Variants in ANO4 observed in about 807,000 individuals in gnomAD.
ANO4 encodes anoctamin 4.
Under a neutral mutation model 141.9 loss-of-function variants are expected in ANO4, and 69 were observed. That is an observed-to-expected ratio of 0.49 (90% CI 0.40 to 0.59). ANO4 has a LOEUF of 0.59. Ranked by LOEUF, ANO4 falls within the 20% of genes least tolerant of loss-of-function variation. The pLI is 0.00. For synonymous variants in ANO4, 350 were observed against 394.3 expected, an observed-to-expected ratio of 0.89 and a Z score of 1.33; for missense variants, 894 against 1,162.2, an observed-to-expected ratio of 0.77 and a Z score of 3.36.
At chr12:100,937,711 A>G (rs907219741) in intron 3 of ANO4, among the ~76,000 whole-genome samples, 1 of 152,190 alleles carries the variant, frequency 6.6e-6, no homozygotes, top group Non-Finnish European at 1.5e-5. Context: ...TCTGGAGGTC[A>G]GAAGTCCCAA....
intron 3 of ANO4, among the ~76,000 whole-genome samples, chr12:100,931,015 A>C (rs533920663): frequency 1.3e-5 from 2 of 152,148 alleles, no homozygotes; most frequent in African/African-American, 4.8e-5. Flanking sequence ...CTAAGGAAGC[A>C]TTATGTCCTT....
chr12:100,814,700 T>A (rs754591228), intron 1 of ANO4, among the ~76,000 whole-genome samples: 2 of 152,100 alleles, frequency 1.3e-5, no homozygotes, highest in Non-Finnish European at 2.9e-5. Context: ...TACAAAACAT[T>A]GTATGGGAGT....
chr12:100,896,725 T>C (rs1023440738), intron 1 of ANO4, among the ~76,000 whole-genome samples: 1 of 152,128 alleles, frequency 6.6e-6, no homozygotes, highest in African/African-American at 2.4e-5. Context: ...TTAAGTGTCA[T>C]GAAAACGAAA....
At chr12:101,005,403 A>G (rs902162672) in intron 8 of ANO4, among the ~76,000 whole-genome samples, 13 of 152,222 alleles carry the variant, frequency 8.5e-5, no homozygotes, top group Admixed American at 6.5e-4. Context: ...TTGAGTGTCT[A>G]TCTCAGTTGA....
chr12:101,064,236 A>G (rs2136752487), intron 14 of ANO4, among the ~76,000 whole-genome samples: 1 of 152,204 alleles, frequency 6.6e-6, no homozygotes, highest in Non-Finnish European at 1.5e-5. Flanking sequence ...ATATTTTCTA[A>G]TTTCCTTTGT....
At chr12:101,103,378 A>C (rs1037170481) in intron 22 of ANO4, among the ~76,000 whole-genome samples, 4 of 150,874 alleles carry the variant, frequency 2.7e-5, no homozygotes, top group Admixed American at 6.6e-5. Context: ...TTTTGTACAT[A>C]CTTTTTATTA....
intron 26 of ANO4, among the ~76,000 whole-genome samples, chr12:101,122,955 A>T (rs994393667): frequency 1.3e-5 from 2 of 152,194 alleles, no homozygotes; most frequent in African/African-American, 4.8e-5. Flanking sequence ...TCTATATTAT[A>T]TGTCAATAAA....
intron 1 of ANO4, among the ~76,000 whole-genome samples, chr12:100,889,208 T>C (rs1202676923): frequency 6.6e-6 from 1 of 152,040 alleles, no homozygotes; most frequent in African/African-American, 2.4e-5. Context: ...AAGGACATGA[T>C]CTCATCATTT....
chr12:101,028,472 G>T (rs2136537140), intron 9 of ANO4, among the ~76,000 whole-genome samples: 1 of 152,258 alleles, frequency 6.6e-6, no homozygotes, highest in Non-Finnish European at 1.5e-5. Context: ...AGAGTTTAGA[G>T]GGGAACATAA....
intron 14 of ANO4, among the ~76,000 whole-genome samples, chr12:101,072,319 A>C (rs1016267703): frequency 2.0e-5 from 3 of 152,172 alleles, no homozygotes; most frequent in African/African-American, 7.2e-5. Flanking sequence ...CTTACTTTCT[A>C]TTAGCCTAAA....
At chr12:101,061,219 C>T (rs2048331497) in intron 14 of ANO4, among the ~76,000 whole-genome samples, 1 of 152,130 alleles carries the variant, frequency 6.6e-6, no homozygotes, top group African/African-American at 2.4e-5. Context: ...CCACTCTCTT[C>T]TGGCTTGTAG....
intron 3 of ANO4, among the ~76,000 whole-genome samples, chr12:100,788,103 G>T (rs1192721874): frequency 6.6e-6 from 1 of 152,200 alleles, no homozygotes; most frequent in Non-Finnish European, 1.5e-5. Flanking sequence ...CTAGGCCAAT[G>T]AGAAAAGAGG....
At chr12:100,788,206 C>A (rs1167443266) in intron 3 of ANO4, among the ~76,000 whole-genome samples, 1 of 152,082 alleles carries the variant, frequency 6.6e-6, no homozygotes, top group Non-Finnish European at 1.5e-5. Context: ...TTCTGGGCTC[C>A]CTGAAGTCAT....
chr12:100,861,853 A>C (rs2038497547), intron 1 of ANO4, among the ~76,000 whole-genome samples: 1 of 152,122 alleles, frequency 6.6e-6, no homozygotes, highest in Admixed American at 6.5e-5. Flanking sequence ...TGTTCTTTAA[A>C]CTTTCTTTGT....
intron 5 of ANO4, among the ~76,000 whole-genome samples, chr12:100,954,086 T>A (rs1036934922): frequency 7.2e-5 from 11 of 152,196 alleles, no homozygotes; most frequent in Non-Finnish European, 1.5e-4. Flanking sequence ...ACCTCTTCAC[T>A]TTTGCCTACC....
At chr12:100,921,304 T>C (rs189718309) in intron 2 of ANO4, among the ~76,000 whole-genome samples, 1 of 152,198 alleles carries the variant, frequency 6.6e-6, no homozygotes, top group East Asian at 1.9e-4. Context: ...AGGCTATGAG[T>C]TATCTTATTC....
chr12:101,013,305 T>C (rs967540828), intron 8 of ANO4, among the ~76,000 whole-genome samples: 2 of 152,144 alleles, frequency 1.3e-5, no homozygotes, highest in African/African-American at 4.8e-5. Flanking sequence ...ATCAATACTT[T>C]ATAGTCTCAC....
intron 1 of ANO4, among the ~76,000 whole-genome samples, chr12:100,824,262 C>T (rs900088987): frequency 1.3e-5 from 2 of 151,944 alleles, no homozygotes; most frequent in Admixed American, 6.6e-5. Flanking sequence ...TCACACTTCT[C>T]ATTTTCAAAG....
At chr12:100,968,384 CACTT>C (rs1195887424) in intron 5 of ANO4, among the ~76,000 whole-genome samples, 1 of 152,130 alleles carries the variant, frequency 6.6e-6, no homozygotes, top group African/African-American at 2.4e-5. Context: ...TAAGACCTAA[CACTT>C]ACAGTAAATC....
Sources: gnomAD v4.1 joint callset for allele counts (sites outside exome capture counted in the v4.1 genomes callset) on GRCh38, gnomAD v4.1.1 for gene constraint, MANE v1.5 for transcripts, NCBI Gene and HGNC (gene_info 2026-07-23, HGNC 2026-07-21) for gene names.